SLC25A26: variants seen among roughly 807,000 people sequenced by gnomAD.
SLC25A26 encodes solute carrier family 25 member 26.
A neutral mutation model predicts 37.8 loss-of-function variants in SLC25A26; 36 were observed. The ratio of observed to expected loss-of-function variants is 0.95; its 90% confidence interval spans 0.73 to 1.26. The LOEUF (loss-of-function observed/expected upper bound fraction) is 1.26, where lower values mean the gene tolerates loss of function less well. Among genes scored for constraint, SLC25A26 ranks in the 50% most tolerant of loss-of-function variants. The pLI, the probability that SLC25A26 is intolerant of heterozygous loss-of-function variation, is 0.00. For missense variants in SLC25A26, 390 were observed against 331.1 expected (o/e 1.18, Z -1.38); for synonymous variants, 129 against 122.5 (o/e 1.05, Z -0.35).
At chr3:66,188,083 C>G in intron 1 of SLC25A26, among the ~76,000 whole-genome samples, 1 of 152,202 alleles carries the variant, frequency 6.6e-6, no homozygotes, top group Middle Eastern at 3.4e-3. Flanking sequence ...CTGAACGTCA[C>G]TCTAATCCTC....
chr3:66,225,312 G>C (rs2071691878), intron 1 of SLC25A26, among the ~76,000 whole-genome samples: 1 of 152,180 alleles, frequency 6.6e-6, no homozygotes, highest in African/African-American at 2.4e-5. Flanking sequence ...CTTGTCTTCT[G>C]CACACCCACA....
intron 5 of SLC25A26, among the ~76,000 whole-genome samples, chr3:66,338,201 A>G (rs1189646934): frequency 6.6e-6 from 1 of 152,022 alleles, no homozygotes; most frequent in Admixed American, 6.6e-5. Context: ...TGTATTACTA[A>G]TATTCCTTTA....
chr3:66,228,324 A>G (rs897591098), intron 1 of SLC25A26, among the ~76,000 whole-genome samples: 4 of 152,164 alleles, frequency 2.6e-5, no homozygotes, highest in Admixed American at 2.6e-4. Flanking sequence ...GCATACTTGG[A>G]AAGTTTTAGT....
At chr3:66,143,109 A>G (rs1173334371) in intron 1 of SLC25A26, among the ~76,000 whole-genome samples, 3 of 152,058 alleles carry the variant, frequency 2.0e-5, no homozygotes, top group Admixed American at 6.6e-5. Context: ...GAACCTAGCA[A>G]TGGGTTAGAA....
chr3:66,232,254 G>A (rs782173917), intron 1 of SLC25A26, among the ~76,000 whole-genome samples: 33 of 152,028 alleles, frequency 2.2e-4, no homozygotes, highest in Non-Finnish European at 3.7e-4. Context: ...AAAACATTTT[G>A]TTTTTATTTG....
At chr3:66,269,064 T>A (rs1388921553) in intron 5 of SLC25A26, among the ~76,000 whole-genome samples, 1 of 152,222 alleles carries the variant, frequency 6.6e-6, no homozygotes, top group African/African-American at 2.4e-5. Flanking sequence ...CTCTGTCCCT[T>A]ACCAGCCATC....
chr3:66,176,911 C>G (rs2070596118), intron 1 of SLC25A26, among the ~76,000 whole-genome samples: 1 of 152,146 alleles, frequency 6.6e-6, no homozygotes, highest in Admixed American at 6.5e-5. Context: ...GTAGAGGGAT[C>G]TAGTCTCTAT....
intron 6 of SLC25A26, among the ~76,000 whole-genome samples, chr3:66,358,736 C>G (rs1011166079): frequency 6.6e-6 from 1 of 152,204 alleles, no homozygotes; most frequent in African/African-American, 2.4e-5. Context: ...AAGTGATCCT[C>G]CCATCCGGGC....
chr3:66,343,540 A>G (rs1174541441), intron 5 of SLC25A26, among the ~76,000 whole-genome samples: 1 of 152,200 alleles, frequency 6.6e-6, no homozygotes, highest in African/African-American at 2.4e-5. Context: ...AAACTGAAGG[A>G]GCAGCTCAAT....
intron 6 of SLC25A26, among the ~76,000 whole-genome samples, chr3:66,359,060 A>G (rs1483912542): frequency 2.0e-5 from 3 of 152,152 alleles, no homozygotes; most frequent in African/African-American, 7.2e-5. Context: ...CAAATACCAA[A>G]TTATTTCTTT....
intron 5 of SLC25A26, chr3:66,293,226 G>A (rs1301240551): frequency 7.9e-5 from 12 of 152,116 alleles, no homozygotes; most frequent in Admixed American, 7.2e-4. Context: ...AACGCGGAAA[G>A]CGTTATTTTT....
At chr3:66,146,235 G>C (rs1305899913) in intron 1 of SLC25A26, among the ~76,000 whole-genome samples, 1 of 151,824 alleles carries the variant, frequency 6.6e-6, no homozygotes, top group Non-Finnish European at 1.5e-5. Flanking sequence ...AGCTACTTGG[G>C]AGGCTAAGGC....
chr3:66,326,691 C>A (rs1488049267), intron 5 of SLC25A26, among the ~76,000 whole-genome samples: 1 of 152,210 alleles, frequency 6.6e-6, no homozygotes, highest in Admixed American at 6.5e-5. Context: ...ACGCCTCTTG[C>A]TTCCTGCCTC....
At chr3:66,250,626 G>T (rs1238892726) in intron 3 of SLC25A26, among the ~76,000 whole-genome samples, 1 of 95,904 alleles carries the variant, frequency 1.0e-5, no homozygotes, top group Non-Finnish European at 2.2e-5. Flanking sequence ...CCGTAGGTTG[G>T]GGGGTATCAC....
upstream of SLC25A26, among the ~76,000 whole-genome samples, chr3:66,216,867 A>C (rs1163669535): frequency 6.6e-6 from 1 of 152,220 alleles, no homozygotes; most frequent in African/African-American, 2.4e-5. Flanking sequence ...CAATGTGGTG[A>C]TAATGATGAT....
At chr3:66,309,244 GGT>G (rs954732199) in intron 5 of SLC25A26, among the ~76,000 whole-genome samples, 41 of 152,170 alleles carry the variant, frequency 2.7e-4, no homozygotes, top group African/African-American at 8.9e-4. Flanking sequence ...GTCTTGGGAG[GGT>G]GTATGTGTCC....
rs151275987 is a variant in SLC25A26 at position 66,370,591 on chromosome 3, G to C, written c.696G>C (p.Gln232His). The change falls in exon 9 of 10, where the codon CAG becomes CAC. Residue 232 changes from glutamine (Q) to histidine (H), a missense_variant. Gln to His is a conservative substitution (Grantham distance 24). Coordinates refer to ENST00000354883, the MANE Select transcript of SLC25A26 (RefSeq NM_001379210.1). Reference protein sequence around the residue: ...LSVLHGVWRSQGLAGLFAGVF... With the variant: ...LSVLHGVWRSHGLAGLFAGVF... ...TCCTGCATGGGGTCTGGCGGTCACA[G>C]GGGCTGGCAGGGTAAGACGAGGAAT... The C allele has an allele frequency of 1.9e-6, 3 of 1,613,480 alleles. No homozygotes were observed. The highest frequency in any genetic ancestry group is 2.5e-6 in the Non-Finnish European group (3 of 1,179,698).
chr3:66,301,392 G>A (rs749889598), intron 5 of SLC25A26, among the ~76,000 whole-genome samples: 10 of 152,176 alleles, frequency 6.6e-5, no homozygotes, highest in South Asian at 2.1e-4. Flanking sequence ...TTTGATGGGC[G>A]TTAGAATTGT....
At chr3:66,224,241 C>T (rs141980890) in intron 1 of SLC25A26, among the ~76,000 whole-genome samples, 161 of 152,312 alleles carry the variant, frequency 1.1e-3, no homozygotes, top group African/African-American at 3.7e-3. Flanking sequence ...TCGTGTTAGT[C>T]TGTTCTCATG....
Sources: gnomAD v4.1 joint callset for allele counts (sites outside exome capture counted in the v4.1 genomes callset) on GRCh38, gnomAD v4.1.1 for gene constraint, MANE v1.5 for transcripts, NCBI Gene and HGNC (gene_info 2026-07-23, HGNC 2026-07-21) for gene names.